The following MYT1L variants were observed in gnomAD, a reference collection of about 807,000 sequenced individuals.
MYT1L encodes the protein myelin transcription factor 1 like.
A neutral mutation model predicts 126.7 loss-of-function variants in MYT1L; 12 were observed. The ratio of observed to expected loss-of-function variants is 0.09; its 90% CI spans 0.06 to 0.15. MYT1L has a LOEUF of 0.15. Ranked by LOEUF, MYT1L falls within the 10% of genes least tolerant of loss-of-function variation. The pLI is 1.00. For synonymous variants in MYT1L, 541 were observed against 604.2 expected (o/e 0.90, Z 1.53); for missense variants, 979 against 1,585.2 (o/e 0.62, Z 6.49).
intron 3 of MYT1L, among the ~76,000 whole-genome samples, chr2:2,084,728 G>C (rs2076184958): frequency 6.6e-6 from 1 of 152,174 alleles, no homozygotes; most frequent in Non-Finnish European, 1.5e-5. Context: ...CAAACCTACA[G>C]ACACTGTGAG....
chr2:1,833,180 T>C (rs1027072880), intron 21 of MYT1L, among the ~76,000 whole-genome samples: 2 of 152,184 alleles, frequency 1.3e-5, no homozygotes, highest in African/African-American at 2.4e-5. Flanking sequence ...GCCAGTGGCA[T>C]TGCATCTGTC....
At chr2:1,829,692 T>C (rs560040069) in intron 21 of MYT1L, among the ~76,000 whole-genome samples, 2 of 121,438 alleles carry the variant, frequency 1.6e-5, no homozygotes, top group East Asian at 6.2e-4. Flanking sequence ...GACCCTCCCA[T>C]ACACCTGTGA....
At chr2:2,168,865 G>A (rs902472459) in intron 3 of MYT1L, among the ~76,000 whole-genome samples, 17 of 152,234 alleles carry the variant, frequency 1.1e-4, no homozygotes, top group African/African-American at 4.1e-4. Context: ...GCTCAGTCCC[G>A]AGGCCCTAGA....
chr2:1,858,069 G>A (rs926146485), intron 18 of MYT1L, among the ~76,000 whole-genome samples: 7 of 152,138 alleles, frequency 4.6e-5, no homozygotes, highest in African/African-American at 1.7e-4. Flanking sequence ...TCGCCATGTG[G>A]GCCAGGCTGG....
chr2:2,207,173 A>G (rs2093352837), intron 2 of MYT1L, among the ~76,000 whole-genome samples: 1 of 152,200 alleles, frequency 6.6e-6, no homozygotes, highest in African/African-American at 2.4e-5. Context: ...CCCCAGGTAC[A>G]ATGGTTTAGG....
chr2:2,166,476 G>A (rs1043710850), intron 3 of MYT1L, among the ~76,000 whole-genome samples: 5 of 152,162 alleles, frequency 3.3e-5, no homozygotes, highest in Non-Finnish European at 7.3e-5. Context: ...GCAATGCATG[G>A]GTTTCAGAGT....
chr2:1,838,206 G>A (rs2041168085), intron 21 of MYT1L, among the ~76,000 whole-genome samples: 2 of 152,208 alleles, frequency 1.3e-5, no homozygotes, highest in South Asian at 2.1e-4. Context: ...GAGCCACTGT[G>A]CCCGGCCAAT....
At chr2:2,112,335 G>A (rs115703389) in intron 3 of MYT1L, among the ~76,000 whole-genome samples, 1,664 of 152,310 alleles carry the variant, frequency 0.011, 39 homozygotes, top group African/African-American at 0.037. Context: ...TTTATAAAAA[G>A]CAGTGCTTAA....
chr2:2,268,497 A>T (rs1406224538), intron 2 of MYT1L, among the ~76,000 whole-genome samples: 1 of 152,212 alleles, frequency 6.6e-6, no homozygotes, highest in Non-Finnish European at 1.5e-5. Flanking sequence ...TAAATTTCTT[A>T]TCCTAAAAAT....
chr2:2,068,120 T>G (rs752096167), intron 3 of MYT1L, among the ~76,000 whole-genome samples: 7 of 152,116 alleles, frequency 4.6e-5, no homozygotes, highest in Non-Finnish European at 1.0e-4. Flanking sequence ...AGGAATCTTC[T>G]GGTCCAATGA....
At chr2:2,251,157 T>G (rs1318382341) in intron 2 of MYT1L, among the ~76,000 whole-genome samples, 1 of 152,222 alleles carries the variant, frequency 6.6e-6, no homozygotes, top group East Asian at 1.9e-4. Context: ...GATACATTTT[T>G]AAGGCACATA....
chr2:2,185,275 A>T (rs892099495), intron 2 of MYT1L, among the ~76,000 whole-genome samples: 1 of 152,222 alleles, frequency 6.6e-6, no homozygotes, highest in Non-Finnish European at 1.5e-5. Flanking sequence ...CTTATATAAC[A>T]TATTTGTGCT....
At chr2:2,094,048 AT>A (rs1172459478) in intron 3 of MYT1L, among the ~76,000 whole-genome samples, 1 of 152,172 alleles carries the variant, frequency 6.6e-6, no homozygotes, top group Non-Finnish European at 1.5e-5. Flanking sequence ...CCATTGGTCT[AT>A]ATCTCTATTT....
At chr2:2,056,261 G>C (rs1386337361) in intron 3 of MYT1L, among the ~76,000 whole-genome samples, 1 of 152,006 alleles carries the variant, frequency 6.6e-6, no homozygotes, top group African/African-American at 2.4e-5. Context: ...TCCTTTCCTG[G>C]GTCCCTCAGG....
At chr2:2,057,659 C>T (rs2069785271) in intron 3 of MYT1L, among the ~76,000 whole-genome samples, 3 of 152,166 alleles carry the variant, frequency 2.0e-5, no homozygotes, top group African/African-American at 7.2e-5. Context: ...TGTTTCCTGT[C>T]GTTTTGTTAT....
At chr2:2,190,114 T>C (rs1167453563) in intron 2 of MYT1L, among the ~76,000 whole-genome samples, 1 of 152,190 alleles carries the variant, frequency 6.6e-6, no homozygotes, top group Non-Finnish European at 1.5e-5. Context: ...TTCCCATGTT[T>C]AGGGCCCTGA....
At chr2:1,873,572 C>G (rs1056974820) in intron 18 of MYT1L, among the ~76,000 whole-genome samples, 2 of 152,144 alleles carry the variant, frequency 1.3e-5, no homozygotes, top group African/African-American at 4.8e-5. Context: ...ATAAGAATGA[C>G]TGAGATTTTT....
chr2:2,143,336 AAG>A (rs1309162605), intron 3 of MYT1L, among the ~76,000 whole-genome samples: 2 of 152,004 alleles, frequency 1.3e-5, no homozygotes, highest in Non-Finnish European at 2.9e-5. Context: ...TTTAAAAACA[AAG>A]AGAGGAATGC....
intron 2 of MYT1L, 135 bp from the exon 3 acceptor site, chr2:2,173,123 T>C (rs1000203764): frequency 6.6e-6 from 1 of 152,270 alleles, no homozygotes; most frequent in African/African-American, 2.4e-5. Context: ...TGAGAAGATG[T>C]GTAAATAATT....
Sources: allele counts gnomAD v4.1 joint callset (sites outside exome capture counted in the v4.1 genomes callset), GRCh38; gene constraint gnomAD v4.1.1; transcripts MANE v1.5; gene names NCBI Gene and HGNC (gene_info 2026-07-23, HGNC 2026-07-21).